NDUFA12: variants seen among roughly 807,000 people sequenced by gnomAD.
NDUFA12 encodes NADH:ubiquinone oxidoreductase subunit A12.
A neutral mutation model predicts 20.3 loss-of-function variants in NDUFA12; 17 were observed. The observed-to-expected ratio is 0.84, with a 90% confidence interval of 0.57 to 1.26. The LOEUF is 1.26. NDUFA12 is among the 50% of genes most tolerant of loss of function. NDUFA12 has a pLI of 0.00. For synonymous variants in NDUFA12, 72 were observed against 63.6 expected (o/e 1.13, Z -0.63); for missense variants, 191 against 183.7 (o/e 1.04, Z -0.23).
At chr12:94,984,347 G>T (rs1016295675) in intron 3 of NDUFA12, among the ~76,000 whole-genome samples, 2 of 152,032 alleles carry the variant, frequency 1.3e-5, no homozygotes, top group Non-Finnish European at 2.9e-5. Flanking sequence ...AAACGGCCGG[G>T]TGTGGTGGCT....
At chr12:94,979,522 A>C (rs543034991) in intron 3 of NDUFA12, among the ~76,000 whole-genome samples, 1 of 152,218 alleles carries the variant, frequency 6.6e-6, no homozygotes, top group Admixed American at 6.5e-5. Flanking sequence ...GGTTATGAAC[A>C]CAACTACACA....
chr12:94,990,696 G>A (rs901291928), intron 3 of NDUFA12, among the ~76,000 whole-genome samples: 1 of 152,088 alleles, frequency 6.6e-6, no homozygotes, highest in Non-Finnish European at 1.5e-5. Context: ...CTTCCAAAGT[G>A]CTGGGACTAC....
At chr12:94,994,626 T>C (rs1189671577) in intron 2 of NDUFA12, among the ~76,000 whole-genome samples, 3 of 152,218 alleles carry the variant, frequency 2.0e-5, no homozygotes, top group Non-Finnish European at 4.4e-5. Flanking sequence ...CTCTTGAGAC[T>C]GGGGAAAAAA....
chr12:94,987,634 C>A (rs1874490695), intron 3 of NDUFA12, among the ~76,000 whole-genome samples: 1 of 151,870 alleles, frequency 6.6e-6, no homozygotes, highest in South Asian at 2.1e-4. Flanking sequence ...AACCCCGTCT[C>A]TACTTAAAAT....
chr12:94,998,005 C>T (rs1325801146), intron 2 of NDUFA12, among the ~76,000 whole-genome samples: 1 of 152,070 alleles, frequency 6.6e-6, no homozygotes, highest in Non-Finnish European at 1.5e-5. Context: ...CAGCCCCTCA[C>T]AACAAAGAAT....
chr12:94,978,308 C>T (rs1406478973), intron 3 of NDUFA12, among the ~76,000 whole-genome samples: 2 of 152,148 alleles, frequency 1.3e-5, no homozygotes, highest in Non-Finnish European at 2.9e-5. Context: ...CTGTAGATGT[C>T]CAGGCAAGAG....
chr12:95,001,771 C>A (rs1043838720), intron 2 of NDUFA12, among the ~76,000 whole-genome samples: 1 of 152,020 alleles, frequency 6.6e-6, no homozygotes, highest in Admixed American at 6.5e-5. Context: ...GTGGCGGGAT[C>A]TGGGCTCACT....
intron 3 of NDUFA12, among the ~76,000 whole-genome samples, chr12:94,989,104 C>T (rs1022497464): frequency 2.0e-5 from 3 of 152,182 alleles, no homozygotes; most frequent in Admixed American, 1.3e-4. Flanking sequence ...CCCGCTTCTA[C>T]GTCTTTCCTC....
intron 2 of NDUFA12, 110 bp downstream of exon 2, chr12:95,002,629 T>C (rs1240984122): frequency 2.4e-6 from 2 of 816,420 alleles, no homozygotes; most frequent in East Asian, 5.1e-5. Context: ...ATTGAGTTTT[T>C]CATCCTTTTC....
At chr12:94,983,993 T>C (rs1374884622) in intron 3 of NDUFA12, among the ~76,000 whole-genome samples, 1 of 151,028 alleles carries the variant, frequency 6.6e-6, no homozygotes, top group African/African-American at 2.4e-5. Context: ...GAAGGGAGGG[T>C]GGCAAGCTGG....
intron 2 of NDUFA12, among the ~76,000 whole-genome samples, chr12:94,999,717 G>A (rs571771334): frequency 2.4e-4 from 36 of 152,076 alleles, no homozygotes; most frequent in African/African-American, 8.7e-4. Context: ...ACAAACCTAT[G>A]AAAAAAATGC....
At chr12:94,987,159 G>A (rs1440897002) in intron 3 of NDUFA12, among the ~76,000 whole-genome samples, 1 of 152,112 alleles carries the variant, frequency 6.6e-6, no homozygotes, top group Non-Finnish European at 1.5e-5. Flanking sequence ...ACTTAATAGA[G>A]TGCAACAAGA....
chr12:94,973,748 T>C (rs1873965510), intron 3 of NDUFA12, among the ~76,000 whole-genome samples: 2 of 152,062 alleles, frequency 1.3e-5, no homozygotes, highest in Admixed American at 6.6e-5. Flanking sequence ...CTGAAAATAT[T>C]TATCCTAGCA....
At chr12:94,994,629 G>C (rs1874758264) in intron 2 of NDUFA12, among the ~76,000 whole-genome samples, 1 of 152,042 alleles carries the variant, frequency 6.6e-6, no homozygotes, top group Non-Finnish European at 1.5e-5. Context: ...TTGAGACTGG[G>C]GAAAAAACAC....
intron 3 of NDUFA12, among the ~76,000 whole-genome samples, chr12:94,977,952 T>C (rs1424816581): frequency 1.3e-5 from 2 of 152,106 alleles, no homozygotes; most frequent in African/African-American, 2.4e-5. Context: ...GGCACTTGAA[T>C]AAAGTGAAGG....
At chr12:94,986,235 T>A (rs1462026986) in intron 3 of NDUFA12, among the ~76,000 whole-genome samples, 5 of 151,680 alleles carry the variant, frequency 3.3e-5, no homozygotes. Context: ...AACAAGACCC[T>A]GTCTTCAAAA....
intron 3 of NDUFA12, among the ~76,000 whole-genome samples, chr12:94,980,607 T>C (rs1030290453): frequency 6.6e-6 from 1 of 152,072 alleles, no homozygotes; most frequent in African/African-American, 2.4e-5. Context: ...AGAAACCCTT[T>C]ACCATACACT....
chr12:94,986,114 T>TAAATAAGC lies in NDUFA12; in HGVS notation c.257+8055_257+8056insGCTTATTT, dbSNP rs201942637. ...ATAAATAAATAAATAAATAAATAAA[T>TAAATAAGC]AAGCTAGTCTCAGCTACTCAGGAGG... On this transcript the variant is annotated intron_variant, in intron 3 of 3. Coordinates refer to ENST00000327772, the MANE Select transcript of NDUFA12 (RefSeq NM_018838.5). Among the ~76,000 whole-genome samples the TAAATAAGC allele has an allele frequency of 1.0e-4, 15 of 150,652 alleles. 2 individuals carry two copies. The highest frequency in any genetic ancestry group is 3.3e-4 in the Admixed American group (5 of 15,086).
chr12:94,979,178 T>C (rs1331169490), intron 3 of NDUFA12, among the ~76,000 whole-genome samples: 1 of 151,942 alleles, frequency 6.6e-6, no homozygotes, highest in Non-Finnish European at 1.5e-5. Flanking sequence ...TAGTGTGCTA[T>C]GATTGCACCT....
Sources: gnomAD v4.1 joint callset for allele counts (sites outside exome capture counted in the v4.1 genomes callset) on GRCh38, gnomAD v4.1.1 for gene constraint, MANE v1.5 for transcripts, NCBI Gene and HGNC (gene_info 2026-07-23, HGNC 2026-07-21) for gene names.